The following CDH11 variants were observed in gnomAD, a reference collection of about 807,000 sequenced individuals.
The protein encoded by CDH11 is cadherin 11, also known as cadherin-11.
A neutral mutation model predicts 67.8 loss-of-function variants in CDH11; 11 were observed. The ratio of observed to expected loss-of-function variants is 0.16; its 90% CI spans 0.10 to 0.27. The LOEUF is 0.27. Among genes scored for constraint, CDH11 ranks in the 10% least tolerant of loss-of-function variants. The pLI is 1.00. For synonymous variants in CDH11, 419 were observed against 400.0 expected (o/e 1.05, Z -0.57); for missense variants, 847 against 1,031.2 (o/e 0.82, Z 2.45).
At chr16:65,078,593 A>G (rs2074556596) in intron 1 of CDH11, among the ~76,000 whole-genome samples, 1 of 152,208 alleles carries the variant, frequency 6.6e-6, no homozygotes, top group East Asian at 1.9e-4. Flanking sequence ...ACTTCATAGG[A>G]CAGTGTAACC....
intron 11 of CDH11, among the ~76,000 whole-genome samples, chr16:64,966,673 A>G (rs1367753359): frequency 2.1e-5 from 3 of 144,904 alleles, no homozygotes; most frequent in Non-Finnish European, 3.0e-5. Flanking sequence ...TATATAAGAA[A>G]GAAGAAAAGA....
intron 8 of CDH11, among the ~76,000 whole-genome samples, chr16:64,974,590 G>A (rs891617281): frequency 6.6e-6 from 1 of 152,138 alleles, no homozygotes; most frequent in Non-Finnish European, 1.5e-5. Context: ...CATTCATGAT[G>A]TCACTTAACT....
At position 64,945,556 on chromosome 16, in the gene CDH11, C is replaced by G; in HGVS notation, c.*2047G>C. The stretch of plus-strand genomic sequence containing the variant: ...CAATTGGAGATCTGTGCAAATCTAG[C>G]AAAATATTCTTTGGATTACAAAAAC... On this transcript the variant is annotated 3_prime_UTR_variant, in exon 13 of 13. Coordinates refer to ENST00000268603, the MANE Select transcript of CDH11 (RefSeq NM_001797.4). The G allele has an allele frequency of 9.7e-7, 1 of 1,029,856 alleles. No individual in the cohort carries two copies. Among genetic ancestry groups the G allele is most frequent in the South Asian group, 4.6e-5 (1 of 21,660 alleles). 63.8% of individuals were successfully genotyped at this position (1,029,856 alleles called of 1,614,324 possible).
intron 2 of CDH11, among the ~76,000 whole-genome samples, chr16:65,039,895 C>T (rs542289063): frequency 4.1e-4 from 63 of 152,256 alleles, no homozygotes; most frequent in Admixed American, 9.8e-4. Flanking sequence ...AAAAAGTGGG[C>T]GAAGGATATG....
intron 8 of CDH11, among the ~76,000 whole-genome samples, chr16:64,973,603 C>T (rs924294624): frequency 6.6e-6 from 1 of 152,088 alleles, no homozygotes; most frequent in Non-Finnish European, 1.5e-5. Flanking sequence ...GCCAGGAGTT[C>T]AGGACCAGCC....
chr16:65,018,396 T>C (rs577533699), intron 2 of CDH11, among the ~76,000 whole-genome samples: 117 of 152,238 alleles, frequency 7.7e-4, no homozygotes, highest in African/African-American at 2.6e-3. Flanking sequence ...GTTTCTTCAA[T>C]TTTGTCTGGT....
chr16:65,069,861 T>G lies in CDH11; in HGVS notation c.-297-15933A>C, dbSNP rs76266224. On this transcript the variant is annotated intron_variant, in intron 1 of 12. Transcript: ENST00000268603. ...CCAACACACATCAGTTGACCACCAA[T>G]TGCACCATAGGACTGTGCTGGGGAC... Among the ~76,000 whole-genome samples, 1,221 of 152,242 alleles carry G rather than the reference T, an allele frequency of 8.0e-3. 5 individuals are homozygous for G. Among genetic ancestry groups the G allele is most frequent in the Non-Finnish European group, 0.011 (725 of 68,014 alleles).
rs2072215952 is a variant in CDH11, at chr16:64,977,767, C to T, written c.1253+4281G>A. On this transcript the variant is annotated intron_variant, in intron 8 of 12. Coordinates refer to ENST00000268603, the MANE Select transcript of CDH11 (RefSeq NM_001797.4). ...GAAGTCTCATCATTGCTCTGAGCCT[C>T]ACTCTTCCCACCTGTTCAATTCTAG... is the stretch of plus-strand genomic sequence containing the variant. 1.3e-5 allele frequency among the ~76,000 whole-genome samples: 2 copies of T among 152,188 alleles called. 1 individual carries two copies. Among genetic ancestry groups the T allele is most frequent in the East Asian group, 3.9e-4 (2 of 5,180 alleles).
rs2073017249 is a variant in CDH11, at chr16:65,005,008, T to A, written c.-139A>T. 1.4e-6 allele frequency: 2 copies of A among 1,411,820 alleles called. No individual in the cohort carries two copies. The highest frequency in any genetic ancestry group is 3.1e-5 in the South Asian group (2 of 63,810). 87.5% of individuals were successfully genotyped at this position (1,411,820 alleles called of 1,614,324 possible). The stretch of plus-strand genomic sequence containing the variant: ...GGAATGTCTCTGCTGGTTGAGCTCA[T>A]CACGTCAGGGCTGCCCACGTCCCCA... On this transcript the variant is annotated 5_prime_UTR_variant, in exon 3 of 13. The change abolishes an upstream ATG in the 5' untranslated region. Transcript: ENST00000268603.
chr16:65,030,232 A>G (rs74026230), intron 2 of CDH11, among the ~76,000 whole-genome samples: 16,953 of 152,212 alleles, frequency 0.11, 1,174 homozygotes, highest in African/African-American at 0.19. Context: ...AGGACCCCCA[A>G]TTAAATTTAG....
intron 2 of CDH11, among the ~76,000 whole-genome samples, chr16:65,022,241 AT>A (rs1227094811): frequency 1.3e-4 from 4 of 30,888 alleles, no homozygotes; most frequent in South Asian, 1.5e-3. Flanking sequence ...AAGAAAACCA[AT>A]TTAAAAAAAA....
intron 1 of CDH11, among the ~76,000 whole-genome samples, chr16:65,077,312 A>T (rs528194325): frequency 6.6e-6 from 1 of 152,240 alleles, no homozygotes; most frequent in Non-Finnish European, 1.5e-5. Flanking sequence ...ACATGTGGAT[A>T]AAATGAGATA....
chr16:65,050,930 G>A (rs985945710), intron 2 of CDH11, among the ~76,000 whole-genome samples: 31 of 151,954 alleles, frequency 2.0e-4, no homozygotes, highest in African/African-American at 6.8e-4. Context: ...AATGTCACTC[G>A]CACATCTTAT....
chr16:64,972,428 A>G (rs1423246119), intron 9 of CDH11, among the ~76,000 whole-genome samples: 1 of 152,182 alleles, frequency 6.6e-6, no homozygotes, highest in Non-Finnish European at 1.5e-5. Context: ...AACTTGTTGG[A>G]AGCAAAAATT....
chr16:65,122,129 TGCGGGGCGGGGGGGGCGGGA>T, upstream of CDH11: 2 of 56,106 alleles, frequency 3.6e-5, no homozygotes, highest in Non-Finnish European at 6.7e-5. Flanking sequence ...GGCAGGCGGG[TGCGGGGCGGGGGGGGCGGGA>T]GGAGGGAGGC....
intron 8 of CDH11, 193 bp downstream of exon 8, chr16:64,981,855 C>G: frequency 9.8e-6 from 5 of 508,572 alleles, no homozygotes; most frequent in South Asian, 3.8e-5. Context: ...CTTGAACAAT[C>G]CTATCCAAAA....
chr16:65,092,231 A>G (rs990528745), intron 1 of CDH11, among the ~76,000 whole-genome samples: 1 of 152,166 alleles, frequency 6.6e-6, no homozygotes, highest in Admixed American at 6.5e-5. Flanking sequence ...TAGCTCCATT[A>G]TTTAAAAAAT....
intron 1 of CDH11, among the ~76,000 whole-genome samples, chr16:65,063,114 T>G (rs2074258836): frequency 6.6e-6 from 1 of 152,216 alleles, no homozygotes; most frequent in Non-Finnish European, 1.5e-5. Context: ...GAAAAATCAT[T>G]TGTCAATATT....
In CDH11 at chr16:65,121,100, T is replaced by C. The variant is rs1006404711; in HGVS notation, c.-298+780A>G. On this transcript the variant is annotated intron_variant, in intron 1 of 12. Transcript: ENST00000268603. The surrounding 1 kb of genome is among the most constrained non-coding windows in gnomAD (Gnocchi z 4.1). ...GAAGGTGTGGTTCTCAAAGTTAACG[T>C]TGACCCTGGCAGCTTTCGCCAATCC... 1.3e-4 allele frequency among the ~76,000 whole-genome samples: 20 copies of C among 151,974 alleles called. No individual in the cohort carries two copies. Among genetic ancestry groups the C allele is most frequent in the Admixed American group, 3.9e-4 (6 of 15,274 alleles).
Sources: gnomAD v4.1 joint callset for allele counts (sites outside exome capture counted in the v4.1 genomes callset) on GRCh38, gnomAD v4.1.1 for gene constraint, Gnocchi (gnomAD v3.1) non-coding constraint, MANE v1.5 for transcripts, NCBI Gene and HGNC (gene_info 2026-07-23, HGNC 2026-07-21) for gene names.